Variants in KCNK2 observed in about 807,000 individuals in gnomAD.
KCNK2 encodes potassium channel subfamily K member 2.
Under a neutral mutation model 40.5 loss-of-function variants are expected in KCNK2, and 21 were observed. The ratio of observed to expected loss-of-function variants is 0.52; its 90% CI spans 0.37 to 0.75. The LOEUF is 0.75. Ranked by LOEUF, KCNK2 falls within the 30% of genes least tolerant of loss-of-function variation. KCNK2 has a pLI of 0.00. For synonymous variants in KCNK2, 191 were observed against 202.2 expected (o/e 0.94, Z 0.47); for missense variants, 399 against 531.6 (o/e 0.75, Z 2.45).
chr1:215,029,047 CT>C, intron 1 of KCNK2, among the ~76,000 whole-genome samples: 2 of 151,986 alleles, frequency 1.3e-5, no homozygotes, highest in East Asian at 3.9e-4. Context: ...CCCTTTACCC[CT>C]GCCTCCATAC....
chr1:215,149,090 G>A (rs1662569304), intron 3 of KCNK2, among the ~76,000 whole-genome samples: 1 of 152,318 alleles, frequency 6.6e-6, no homozygotes, highest in Non-Finnish European at 1.5e-5. Flanking sequence ...AACTGAAGCT[G>A]CGCTTTAGAA....
chr1:215,218,530 C>A (rs776018677), intron 6 of KCNK2, among the ~76,000 whole-genome samples: 5 of 152,176 alleles, frequency 3.3e-5, no homozygotes, highest in Non-Finnish European at 5.9e-5. Context: ...TCTTTCTCAC[C>A]CCCATGGCTT....
In KCNK2 at chr1:215,235,411, CCT is replaced by C. The variant is rs896875533; in HGVS notation, c.*273_*274del. On this transcript the variant is annotated 3_prime_UTR_variant, in exon 7 of 7. Coordinates refer to ENST00000444842, the MANE Select transcript of KCNK2 (RefSeq NM_001017425.3). ...TGCCTTTTTGTGCCCAGACTGTTTT[CCT>C]CTCTCTTTCCCTAATGTGCCATAAG... is the stretch of plus-strand genomic sequence containing the variant. The C allele has an allele frequency of 1.5e-5, 6 of 392,392 alleles. No homozygotes were observed. The highest frequency in any genetic ancestry group is 4.0e-5 in the Admixed American group (1 of 24,830). The allele number at this position is 392,392 out of a possible 1,614,324, so 24.3% of individuals were successfully genotyped here. A position where few individuals can be genotyped will look rare whatever the true frequency, so the allele number is the denominator to read the frequency against.
intron 5 of KCNK2, among the ~76,000 whole-genome samples, chr1:215,185,119 C>A (rs1664381130): frequency 8.8e-6 from 1 of 113,620 alleles, no homozygotes; most frequent in Admixed American, 9.1e-5. Flanking sequence ...TGTTACCCAT[C>A]TTCAAATCTG....
At chr1:215,120,842 C>A (rs1172469542) in intron 2 of KCNK2, among the ~76,000 whole-genome samples, 1 of 152,160 alleles carries the variant, frequency 6.6e-6, no homozygotes, top group Non-Finnish European at 1.5e-5. Flanking sequence ...TCTGTTCCAT[C>A]CCCTGTATGT....
In KCNK2 at chr1:215,153,582, T is replaced by TA. The variant is rs1558115544; in HGVS notation, c.476-15617_476-15616insA. Among the ~76,000 whole-genome samples the TA allele has an allele frequency of 5.9e-3, 761 of 129,870 alleles. 7 individuals are homozygous for TA. Among genetic ancestry groups the TA allele is most frequent in the South Asian group, 0.047 (218 of 4,670 alleles). 85.2% of individuals were successfully genotyped at this position (129,870 alleles called of 152,430 possible). On this transcript the variant is annotated intron_variant, in intron 3 of 6. Transcript: ENST00000444842. ...AGCGTTGTTATATATATATATATAT[T>TA]TTTTTTTCTCTGACATCTCTTTTTA...
intron 1 of KCNK2, among the ~76,000 whole-genome samples, chr1:215,034,824 C>G (rs947823313): frequency 6.6e-6 from 1 of 151,964 alleles, no homozygotes; most frequent in Non-Finnish European, 1.5e-5. Flanking sequence ...GTTTACTAAC[C>G]CATGTACATA....
chr1:215,093,575 G>T (rs1211922260), intron 2 of KCNK2, among the ~76,000 whole-genome samples: 3 of 98,940 alleles, frequency 3.0e-5, no homozygotes, highest in South Asian at 2.7e-4. Context: ...ATAATATATA[G>T]TATATATACT....
intron 5 of KCNK2, among the ~76,000 whole-genome samples, chr1:215,173,339 T>C (rs1275406099): frequency 1.3e-5 from 2 of 152,212 alleles, no homozygotes; most frequent in Non-Finnish European, 2.9e-5. Flanking sequence ...ATGGTATATA[T>C]GTGCCACATT....
intron 4 of KCNK2, among the ~76,000 whole-genome samples, chr1:215,170,422 TC>T (rs979884699): frequency 2.6e-4 from 40 of 152,314 alleles, no homozygotes; most frequent in African/African-American, 9.6e-4. Context: ...AAGTAACTGT[TC>T]CTGTTAGAGG....
intron 1 of KCNK2, among the ~76,000 whole-genome samples, chr1:215,010,379 A>T (rs1184826183): frequency 6.6e-6 from 1 of 152,194 alleles, no homozygotes; most frequent in Non-Finnish European, 1.5e-5. Flanking sequence ...GTGGCATTTC[A>T]TGAGAATGCA....
chr1:215,116,329 T>G (rs1313951282), intron 2 of KCNK2, among the ~76,000 whole-genome samples: 3 of 152,072 alleles, frequency 2.0e-5, no homozygotes, highest in Non-Finnish European at 2.9e-5. Flanking sequence ...GTGACTGATT[T>G]TTTTTCTTTA....
chr1:215,227,051 G>A (rs1384266033), intron 6 of KCNK2, among the ~76,000 whole-genome samples: 1 of 152,320 alleles, frequency 6.6e-6, no homozygotes, highest in Non-Finnish European at 1.5e-5. Flanking sequence ...TCAAAAATGT[G>A]ATTGATTCAT....
intron 3 of KCNK2, among the ~76,000 whole-genome samples, chr1:215,158,883 T>G (rs781147136): frequency 9.9e-5 from 15 of 152,194 alleles, no homozygotes; most frequent in Non-Finnish European, 2.2e-4. Context: ...TAGTGCACCC[T>G]GCTGACTTGG....
At chr1:215,096,194 A>G (rs1659969093) in intron 2 of KCNK2, among the ~76,000 whole-genome samples, 1 of 152,030 alleles carries the variant, frequency 6.6e-6, no homozygotes, top group East Asian at 1.9e-4. Flanking sequence ...GGATATACCA[A>G]GGTGTGTGTG....
At chr1:215,067,862 A>C (rs1175660312) in intron 1 of KCNK2, among the ~76,000 whole-genome samples, 1 of 152,090 alleles carries the variant, frequency 6.6e-6, no homozygotes, top group African/African-American at 2.4e-5. Flanking sequence ...GTGAGACTCC[A>C]TCTCAAAAAA....
intron 5 of KCNK2, among the ~76,000 whole-genome samples, chr1:215,174,008 C>A (rs907223247): frequency 2.6e-5 from 4 of 152,164 alleles, no homozygotes; most frequent in African/African-American, 9.7e-5. Context: ...GCTTTTGTTG[C>A]CATTGCTTTT....
At chr1:215,023,820 A>G (rs1656896861) in intron 1 of KCNK2, among the ~76,000 whole-genome samples, 1 of 152,218 alleles carries the variant, frequency 6.6e-6, no homozygotes, top group Non-Finnish European at 1.5e-5. Flanking sequence ...ATTTAGATGC[A>G]GCTTTTATCT....
chr1:215,090,107 T>C (rs1489583006), intron 2 of KCNK2, among the ~76,000 whole-genome samples: 1 of 152,134 alleles, frequency 6.6e-6, no homozygotes, highest in Non-Finnish European at 1.5e-5. Context: ...ATTACAGATG[T>C]GAGCCACTGC....
Sources: allele counts gnomAD v4.1 joint callset (sites outside exome capture counted in the v4.1 genomes callset), GRCh38; gene constraint gnomAD v4.1.1; transcripts MANE v1.5; gene names NCBI Gene and HGNC (gene_info 2026-07-23, HGNC 2026-07-21).